The following IL7 variants were observed in gnomAD, a reference collection of about 807,000 sequenced individuals.
IL7 encodes the protein interleukin 7, also known as interleukin-7.
In IL7, 3 loss-of-function variants were observed where a neutral mutation model predicts 21.6. That is an observed-to-expected ratio of 0.14 (90% CI 0.06 to 0.36). The LOEUF is 0.36. Among genes scored for constraint, IL7 ranks in the 10% least tolerant of loss-of-function variants. The pLI is 1.00. For missense variants in IL7, 175 were observed against 200.2 expected, an observed-to-expected ratio of 0.87 and a Z score of 0.76; for synonymous variants, 62 against 68.1, an observed-to-expected ratio of 0.91 and a Z score of 0.44.
chr8:78,703,649 C>G (rs1054237673), intron 3 of IL7, among the ~76,000 whole-genome samples: 5 of 151,640 alleles, frequency 3.3e-5, no homozygotes, highest in African/African-American at 1.2e-4. Flanking sequence ...TTTCTCCATC[C>G]CTTTATTTTG....
intron 3 of IL7, among the ~76,000 whole-genome samples, chr8:78,697,840 A>G (rs952528572): frequency 4.6e-5 from 7 of 151,390 alleles, no homozygotes; most frequent in Admixed American, 1.3e-4. Context: ...CACCATGCCC[A>G]CCTAATTTTT....
At chr8:78,768,844 G>A (rs1812849704) in intron 2 of IL7, among the ~76,000 whole-genome samples, 1 of 152,128 alleles carries the variant, frequency 6.6e-6, no homozygotes, top group Non-Finnish European at 1.5e-5. Flanking sequence ...CCTTGATCAA[G>A]TGGGCTTCAT....
At chr8:78,716,279 C>T (rs1455202216), downstream of IL7, among the ~76,000 whole-genome samples, 8 of 151,346 alleles carry the variant, frequency 5.3e-5, no homozygotes, top group Middle Eastern at 3.2e-3. Flanking sequence ...CCCGCCACCA[C>T]GCCTGGCTAA....
chr8:78,708,840 G>A (rs954537999), intron 3 of IL7, among the ~76,000 whole-genome samples: 3 of 151,878 alleles, frequency 2.0e-5, no homozygotes, highest in Non-Finnish European at 4.4e-5. Context: ...ACCATGTCTG[G>A]CTAATTTTGA....
chr8:78,734,999 T>C (rs1811522184), intron 5 of IL7, among the ~76,000 whole-genome samples: 1 of 152,196 alleles, frequency 6.6e-6, no homozygotes, highest in African/African-American at 2.4e-5. Flanking sequence ...TTAGTAACAC[T>C]AGCACATACT....
At chr8:78,694,730 T>G (rs1810342681) in intron 3 of IL7, among the ~76,000 whole-genome samples, 1 of 152,212 alleles carries the variant, frequency 6.6e-6, no homozygotes. Context: ...TTTAGACTTT[T>G]TCCAATTTCA....
chr8:78,729,620 G>A (rs1285322214), downstream of IL7, among the ~76,000 whole-genome samples: 6 of 151,874 alleles, frequency 4.0e-5, no homozygotes, highest in Non-Finnish European at 8.8e-5. Context: ...AGGAGATGAC[G>A]GGGTAGATAA....
At chr8:78,687,483 A>T (rs1463079011) in intron 3 of IL7, among the ~76,000 whole-genome samples, 1 of 145,196 alleles carries the variant, frequency 6.9e-6, no homozygotes, top group East Asian at 2.0e-4. Flanking sequence ...TTTATATATA[A>T]TTATATATGT....
At chr8:78,789,807 G>T (rs1813626533) in intron 2 of IL7, among the ~76,000 whole-genome samples, 2 of 152,052 alleles carry the variant, frequency 1.3e-5, no homozygotes, top group Non-Finnish European at 2.9e-5. Flanking sequence ...TGAGATGAAG[G>T]CCATCAAAGA....
intron 3 of IL7, among the ~76,000 whole-genome samples, chr8:78,701,701 A>G (rs1330996905): frequency 6.6e-6 from 1 of 152,206 alleles, no homozygotes; most frequent in African/African-American, 2.4e-5. Context: ...TTTAACGTGA[A>G]GGGATGTTGA....
rs1586126800 is a variant in IL7 at position 78,805,122 on chromosome 8, C to G, written c.-200G>C. 1 of 554,958 alleles carries G rather than the reference C, an allele frequency of 1.8e-6. No homozygotes were observed. Among genetic ancestry groups the G allele is most frequent in the East Asian group, 3.3e-5 (1 of 30,750 alleles). 34.4% of individuals were successfully genotyped at this position (554,958 alleles called of 1,614,324 possible). A position where few individuals can be genotyped will look rare whatever the true frequency, so the allele number is the denominator to read the frequency against. ...ATCCCAAGGGGGGCGGCACACACTA[C>G]GGCGTGGCTCTGCGCTTTGCCTTTT... On this transcript the variant is annotated 5_prime_UTR_variant, in exon 1 of 6. Transcript: ENST00000263851.
At chr8:78,753,586 A>G (rs1172040953) in intron 2 of IL7, among the ~76,000 whole-genome samples, 2 of 151,970 alleles carry the variant, frequency 1.3e-5, no homozygotes, top group Non-Finnish European at 2.9e-5. Flanking sequence ...TTAAATAGAT[A>G]CCATTTGTCA....
At chr8:78,768,515 T>C (rs865871608) in intron 2 of IL7, among the ~76,000 whole-genome samples, 8 of 150,472 alleles carry the variant, frequency 5.3e-5, no homozygotes, top group Non-Finnish European at 8.9e-5. Context: ...ATTTCTCTGA[T>C]GGCCAGTGAT....
intron 3 of IL7, among the ~76,000 whole-genome samples, chr8:78,687,478 A>G (rs1242664571): frequency 1.4e-5 from 2 of 145,260 alleles, no homozygotes; most frequent in African/African-American, 5.0e-5. Flanking sequence ...ATATATTTAT[A>G]TATAATTATA....
chr8:78,675,497 A>G (rs1234579484), downstream of IL7, among the ~76,000 whole-genome samples: 1 of 152,014 alleles, frequency 6.6e-6, no homozygotes, highest in Non-Finnish European at 1.5e-5. Context: ...TTAAGAGAAT[A>G]TGACAAATTG....
chr8:78,677,431 T>G (rs890620193), intron 4 of IL7, among the ~76,000 whole-genome samples: 4 of 152,052 alleles, frequency 2.6e-5, no homozygotes, highest in South Asian at 2.1e-4. Flanking sequence ...CTGCAAAGTT[T>G]GAGTTCCAGA....
intron 2 of IL7, among the ~76,000 whole-genome samples, chr8:78,787,235 T>C (rs1489106067): frequency 1.3e-5 from 2 of 152,072 alleles, no homozygotes; most frequent in African/African-American, 4.8e-5. Context: ...AGGTTAGACA[T>C]CCTAGGGTTT....
chr8:78,703,341 G>A lies in IL7; in HGVS notation n.215-17394C>T, dbSNP rs143122663. 3.2e-4 allele frequency among the ~76,000 whole-genome samples: 49 copies of A among 152,236 alleles called. No individual in the cohort carries two copies. The East Asian group carries it at 7.5e-3, about 23-fold the overall frequency. Reference sequence around the variant, plus strand: ...CTAAATATTTATTTGTTAATTATCTGTCTTGATAATCTGTCTAATATTGTC... The same window carrying A: ...CTAAATATTTATTTGTTAATTATCTATCTTGATAATCTGTCTAATATTGTC... On this transcript the variant is annotated intron_variant and non_coding_transcript_variant, in intron 3 of 4. Coordinates refer to the IL7 transcript ENST00000523959.
At chr8:78,752,643 G>A (rs1812212695) in intron 2 of IL7, among the ~76,000 whole-genome samples, 5 of 152,040 alleles carry the variant, frequency 3.3e-5, no homozygotes, top group African/African-American at 9.7e-5. Context: ...GATACAGAAC[G>A]TGCAGGCTTG....
Sources: gnomAD v4.1 joint callset for allele counts (sites outside exome capture counted in the v4.1 genomes callset) on GRCh38, gnomAD v4.1.1 for gene constraint, MANE v1.5 for transcripts, NCBI Gene and HGNC (gene_info 2026-07-23, HGNC 2026-07-21) for gene names.